The following PRLR variants were observed in gnomAD, a reference collection of about 807,000 sequenced individuals.
PRLR encodes prolactin receptor, also known as hPRL receptor.
PRLR carries 13 observed loss-of-function variants against 40.2 expected under a neutral mutation model. The observed-to-expected ratio is 0.32, with a 90% CI of 0.21 to 0.51. PRLR has a LOEUF of 0.51. Among genes scored for constraint, PRLR ranks in the 20% least tolerant of loss-of-function variants. PRLR has a pLI of 0.97. For missense variants in PRLR, 656 were observed against 747.3 expected, an observed-to-expected ratio of 0.88 and a Z score of 1.42; for synonymous variants, 269 against 278.7, an observed-to-expected ratio of 0.97 and a Z score of 0.35.
chr5:35,066,376 A>G (rs1769370442), intron 9 of PRLR, among the ~76,000 whole-genome samples: 1 of 152,164 alleles, frequency 6.6e-6, no homozygotes, highest in Non-Finnish European at 1.5e-5. Flanking sequence ...ACAATAATAA[A>G]CAGATAACTA....
At chr5:35,164,585 G>A (rs1033905734) in intron 1 of PRLR, among the ~76,000 whole-genome samples, 4 of 152,184 alleles carry the variant, frequency 2.6e-5, no homozygotes, top group Admixed American at 6.5e-5. Context: ...GTATAAGACT[G>A]GGGAGGCAGG....
rs549679015 is a variant in PRLR at position 35,174,762 on chromosome 5, G to A, written c.-106+55506C>T. On this transcript the variant is annotated intron_variant, in intron 1 of 9. Transcript: ENST00000618457. ...CCAGCCACCTTGACTTTACCCTTGT[G>A]AACTCTTTCAGGATGAATTTCTTGT... Among the ~76,000 whole-genome samples, 7 of 152,204 alleles carry A rather than the reference G, an allele frequency of 4.6e-5. No individual in the cohort carries two copies. The South Asian group carries it at 1.5e-3, about 32-fold the overall frequency.
rs1293106745 is a variant in PRLR at position 35,228,832 on chromosome 5, G to A, written c.-106+1436C>T. The stretch of plus-strand genomic sequence containing the variant: ...ATTACTCCCACAGTCAGCCCAACCA[G>A]CAGCAAGGAGTTGGCTGGGTGGTCT... On this transcript the variant is annotated intron_variant, in intron 1 of 9. Coordinates refer to ENST00000618457, the MANE Select transcript of PRLR (RefSeq NM_000949.7). Among the ~76,000 whole-genome samples the A allele has an allele frequency of 2.6e-5, 4 of 152,072 alleles. No individual in the cohort carries two copies. In the East Asian group the frequency reaches 7.8e-4, roughly 30 times the overall value.
intron 1 of PRLR, among the ~76,000 whole-genome samples, chr5:35,177,567 G>T (rs1182401206): frequency 6.6e-6 from 1 of 152,006 alleles, no homozygotes; most frequent in African/African-American, 2.4e-5. Flanking sequence ...TAAAGTATGT[G>T]GTCTTTTTTG....
At chr5:35,137,064 T>G (rs2018170) in intron 1 of PRLR, among the ~76,000 whole-genome samples, 31,718 of 152,170 alleles carry the variant, frequency 0.21, 5,986 homozygotes, top group African/African-American at 0.5. Flanking sequence ...CTGGTACTCT[T>G]CAATTTCTAA....
At chr5:35,139,448 T>C (rs1239988095) in intron 1 of PRLR, among the ~76,000 whole-genome samples, 10 of 152,106 alleles carry the variant, frequency 6.6e-5, no homozygotes, top group Non-Finnish European at 1.3e-4. Context: ...GTGCTAATAA[T>C]AAAATGAATC....
intron 1 of PRLR, among the ~76,000 whole-genome samples, chr5:35,184,055 C>T (rs1481470167): frequency 6.6e-6 from 1 of 152,184 alleles, no homozygotes; most frequent in Non-Finnish European, 1.5e-5. Context: ...AAAGTTTGCC[C>T]TTACCTATAA....
chr5:35,125,446 GA>G (rs1773427180), intron 1 of PRLR, among the ~76,000 whole-genome samples: 1 of 152,156 alleles, frequency 6.6e-6, no homozygotes, highest in African/African-American at 2.4e-5. Context: ...GGGAACTAGT[GA>G]TTAAAAAATA....
chr5:35,189,281 C>G (rs1188967602), intron 1 of PRLR, among the ~76,000 whole-genome samples: 2 of 152,100 alleles, frequency 1.3e-5, no homozygotes, highest in Non-Finnish European at 2.9e-5. Context: ...CTGAAAGCAC[C>G]TACTTCAGAA....
At position 35,065,170 on chromosome 5, in the gene PRLR, A is replaced by T. The variant is rs1769271806; in HGVS notation, c.1788T>A (p.Thr596=). The part of the protein sequence containing the change: ...NQAEKALANF[T]ATSSKCRLQL... ...GGAGCCTGCACTTGCTTGATGTTGC[A>T]GTGAAGTTGGCCAGGGCTTTCTCAG... Residue 596 remains threonine (T), a synonymous_variant, in exon 10 of 10, where the codon ACT becomes ACA. Coordinates refer to ENST00000618457, the MANE Select transcript of PRLR (RefSeq NM_000949.7). 3.7e-6 allele frequency: 6 copies of T among 1,614,078 alleles called. No individual in the cohort carries two copies. In the Middle Eastern group the frequency reaches 6.6e-4, roughly 177 times the overall value.
At chr5:35,115,601 G>C (rs1456604089) in intron 2 of PRLR, among the ~76,000 whole-genome samples, 1 of 152,072 alleles carries the variant, frequency 6.6e-6, no homozygotes, top group East Asian at 1.9e-4. Flanking sequence ...GTTAAGGGCA[G>C]AAGTGTGCGG....
chr5:35,229,299 C>T (rs987453046), intron 1 of PRLR, among the ~76,000 whole-genome samples: 4 of 151,832 alleles, frequency 2.6e-5, no homozygotes, highest in Non-Finnish European at 5.9e-5. Context: ...CTTGCCCGGT[C>T]AACTTGACAA....
Position 35,058,458 on chromosome 5 carries a change from A to G in PRLR, c.*6631T>C, listed in dbSNP as rs1768843424. The G allele has an allele frequency of 1.3e-5, 2 of 152,258 alleles. No individual in the cohort carries two copies. Among genetic ancestry groups the G allele is most frequent in the African/African-American group, 4.8e-5 (2 of 41,476 alleles). 9.4% of individuals were successfully genotyped at this position (152,258 alleles called of 1,614,324 possible). On this transcript the variant is annotated 3_prime_UTR_variant, in exon 10 of 10. Transcript: ENST00000618457. ...AGAAGTGTCAGCAGTCACATGAAACAAAGCCGAGAGGCTGACTTTCAAACA... is the reference window on the plus strand; with the variant it reads ...AGAAGTGTCAGCAGTCACATGAAACGAAGCCGAGAGGCTGACTTTCAAACA...
chr5:35,110,205 CA>C (rs1772567041), intron 2 of PRLR, among the ~76,000 whole-genome samples: 1 of 151,918 alleles, frequency 6.6e-6, no homozygotes, highest in South Asian at 2.1e-4. Context: ...CAACACACAC[CA>C]GGGCCTGTCA....
In PRLR at chr5:35,049,154, G is replaced by T. The variant is rs757611590; in HGVS notation, c.*133C>A. 11 of 698,428 alleles carry T rather than the reference G, an allele frequency of 1.6e-5. No homozygotes were observed. In the South Asian group the frequency reaches 1.6e-4, roughly 10 times the overall value. 43.3% of individuals were successfully genotyped at this position (698,428 alleles called of 1,614,324 possible). A position where few individuals can be genotyped will look rare whatever the true frequency, so the allele number is the denominator to read the frequency against. On this transcript the variant is annotated 3_prime_UTR_variant, in exon 9 of 9. Transcript: ENST00000231423. The stretch of plus-strand genomic sequence containing the variant: ...GTGATCATATGAGCTGGCTGGTCAC[G>T]TGCTGCAGGAGTAATCCAAGTCAGT...
In PRLR at chr5:35,065,285, A is replaced by G; in HGVS notation, c.1673T>C (p.Leu558Pro). The change falls in exon 10 of 10, where the codon CTG (leucine) becomes CCG (proline). Residue 558 changes from leucine to proline, a missense_variant. Transcript: ENST00000618457. ...KVSGVMDNNILVLVPDPHAKN... is the reference protein window; with the variant it reads ...KVSGVMDNNIPVLVPDPHAKN... ...AGCATGTGGATCTGGCACCAACACC[A>G]GGATGTTGTTATCCATGACCCCGGA... The G allele has an allele frequency of 6.2e-7, 1 of 1,614,166 alleles. No individual in the cohort carries two copies. The highest frequency in any genetic ancestry group is 8.5e-7 in the Non-Finnish European group (1 of 1,180,018).
At chr5:35,086,853 A>G (rs748734287) in intron 3 of PRLR, among the ~76,000 whole-genome samples, 7 of 152,060 alleles carry the variant, frequency 4.6e-5, no homozygotes, top group Non-Finnish European at 7.4e-5. Flanking sequence ...ACCAATCTCC[A>G]TCTTTCTGCC....
chr5:35,173,026 A>G (rs1277351480), intron 1 of PRLR, among the ~76,000 whole-genome samples: 1 of 152,004 alleles, frequency 6.6e-6, no homozygotes, highest in Non-Finnish European at 1.5e-5. Context: ...TAGTGTTGCA[A>G]TTGTTCTTAA....
chr5:35,114,115 C>T (rs1772865939), intron 2 of PRLR, among the ~76,000 whole-genome samples: 2 of 152,152 alleles, frequency 1.3e-5, no homozygotes, highest in African/African-American at 4.8e-5. Flanking sequence ...TGGATGTGAA[C>T]TGACTTTGCA....
Sources: gnomAD v4.1 joint callset for allele counts (sites outside exome capture counted in the v4.1 genomes callset) on GRCh38, gnomAD v4.1.1 for gene constraint, MANE v1.5 for transcripts, NCBI Gene and HGNC (gene_info 2026-07-23, HGNC 2026-07-21) for gene names.